The following ZFAND3 variants were observed in gnomAD, a reference collection of about 807,000 sequenced individuals.
ZFAND3 encodes AN1-type zinc finger protein 3.
In ZFAND3, 10 loss-of-function variants were observed where a neutral mutation model predicts 29.6. The observed-to-expected ratio is 0.34, with a 90% CI of 0.21 to 0.57. The LOEUF is 0.57. ZFAND3 is among the 20% of genes least tolerant of loss of function. ZFAND3 has a pLI of 0.86. For synonymous variants in ZFAND3, 128 were observed against 112.6 expected, an observed-to-expected ratio of 1.14 and a Z score of -0.87; for missense variants, 230 against 304.5, an observed-to-expected ratio of 0.76 and a Z score of 1.82.
Position 37,889,096 on chromosome 6 carries a change from G to C in ZFAND3, c.72-40863G>C, listed in dbSNP as rs537843378. Among the ~76,000 whole-genome samples the C allele has an allele frequency of 9.9e-5, 15 of 152,244 alleles. No individual in the cohort carries two copies. The South Asian group carries it at 3.1e-3, about 32-fold the overall frequency. On this transcript the variant is annotated intron_variant, in intron 1 of 5. Coordinates refer to ENST00000287218, the MANE Select transcript of ZFAND3 (RefSeq NM_021943.3). ...ATTTGGTGGTTCCAGGTTGGGTTCA[G>C]CAGCTCTGCAATTTGCTTGTCTTTC...
rs1763624630 is a variant in ZFAND3, at chr6:37,819,850, G to A, written c.-96G>A. The A allele has an allele frequency of 2.6e-6, 2 of 778,898 alleles. No individual in the cohort carries two copies. The highest frequency in any genetic ancestry group is 1.1e-4 in the East Asian group (2 of 18,370). The allele number at this position is 778,898 out of a possible 1,614,324, so 48.2% of individuals were successfully genotyped here. The stretch of plus-strand genomic sequence containing the variant: ...CTCCTTCCCCCTCCCCCCGCCCCGA[G>A]CCCCCCGACGCCGCCGCCACCGCCT... On this transcript the variant is annotated 5_prime_UTR_variant, in exon 1 of 6. Coordinates refer to ENST00000287218, the MANE Select transcript of ZFAND3 (RefSeq NM_021943.3).
intron 5 of ZFAND3, among the ~76,000 whole-genome samples, chr6:38,137,769 A>T (rs1489437337): frequency 6.6e-6 from 1 of 152,160 alleles, no homozygotes; most frequent in Non-Finnish European, 1.5e-5. Context: ...CCAGCCATTC[A>T]GAGAGTTGGG....
chr6:37,951,102 C>T (rs1401279052), intron 2 of ZFAND3, among the ~76,000 whole-genome samples: 4 of 151,986 alleles, frequency 2.6e-5, no homozygotes, highest in African/African-American at 9.7e-5. Flanking sequence ...TAGCTGTATT[C>T]CTAGGTGTTT....
At chr6:38,144,200 T>TAAC (rs143218188) in intron 5 of ZFAND3, among the ~76,000 whole-genome samples, 1 of 41,234 alleles carries the variant, frequency 2.4e-5, no homozygotes, top group African/African-American at 1.5e-4. Context: ...TATATATATA[T>TAAC]ATATATATAT....
chr6:37,930,144 A>C, intron 2 of ZFAND3, 145 bp downstream of exon 2: 1 of 793,658 alleles, frequency 1.3e-6, no homozygotes. Flanking sequence ...AAGCAGTTTC[A>C]CCTTACCAAG....
chr6:38,046,887 A>G (rs1315973143), intron 2 of ZFAND3, among the ~76,000 whole-genome samples: 1 of 152,154 alleles, frequency 6.6e-6, no homozygotes, highest in Non-Finnish European at 1.5e-5. Flanking sequence ...TATTAACGCT[A>G]TTACAGAATT....
intron 1 of ZFAND3, among the ~76,000 whole-genome samples, chr6:37,839,335 C>T (rs1016217030): frequency 6.8e-6 from 1 of 147,120 alleles, no homozygotes; most frequent in Admixed American, 6.8e-5. Context: ...CGCGTGCCAC[C>T]ATGCCTAGCT....
chr6:38,082,538 T>G lies in ZFAND3; in HGVS notation c.361+81T>G. 3.8e-6 allele frequency: 5 copies of G among 1,325,308 alleles called. No individual in the cohort carries two copies. In the South Asian group the frequency reaches 5.1e-5, roughly 13 times the overall value. 82.1% of individuals were successfully genotyped at this position (1,325,308 alleles called of 1,614,324 possible). A position where few individuals can be genotyped will look rare whatever the true frequency, so the allele number is the denominator to read the frequency against. Reference sequence around the variant, plus strand: ...AGCAACTGGTTCTAACTTGGTGTGCTTCTCAGGGTACTCTGATTTCTTCCG... The same window carrying G: ...AGCAACTGGTTCTAACTTGGTGTGCGTCTCAGGGTACTCTGATTTCTTCCG... On this transcript the variant is annotated intron_variant, in intron 4 of 5. Transcript: ENST00000287218.
chr6:37,949,677 C>T (rs1007319754), intron 2 of ZFAND3, among the ~76,000 whole-genome samples: 4 of 152,022 alleles, frequency 2.6e-5, no homozygotes, highest in African/African-American at 9.7e-5. Flanking sequence ...CAGAGAAACA[C>T]GTTTACTAAG....
chr6:38,089,197 A>G (rs1025293564), intron 4 of ZFAND3, among the ~76,000 whole-genome samples: 3 of 151,942 alleles, frequency 2.0e-5, no homozygotes, highest in African/African-American at 7.3e-5. Context: ...ATCTTGGCAC[A>G]CTGCAACCTC....
intron 1 of ZFAND3, among the ~76,000 whole-genome samples, chr6:37,876,696 G>C (rs7769848): frequency 0.03 from 4,529 of 152,242 alleles, 177 homozygotes; most frequent in African/African-American, 0.086. Context: ...GTCTTAGTCT[G>C]TTTGAAAGGC....
chr6:38,036,394 A>C (rs1489437623), intron 2 of ZFAND3, among the ~76,000 whole-genome samples: 1 of 152,206 alleles, frequency 6.6e-6, no homozygotes, highest in Admixed American at 6.5e-5. Flanking sequence ...CAGGGATAGG[A>C]TAGGAGAGGA....
intron 1 of ZFAND3, among the ~76,000 whole-genome samples, chr6:37,881,476 T>C (rs1204608873): frequency 6.6e-6 from 1 of 152,168 alleles, no homozygotes; most frequent in Non-Finnish European, 1.5e-5. Context: ...GATGGTCTGT[T>C]CTGTCTTTCT....
Position 38,061,615 on chromosome 6 carries a change from C to A in ZFAND3, c.135C>A (p.Asp45Glu), listed in dbSNP as rs779516347. The change falls in exon 3 of 6, where the codon GAC becomes GAA. Residue 45 changes from aspartate (D) to glutamate (E), a missense_variant. Asp to Glu is a conservative substitution (Grantham distance 45). This residue lies in a region of ZFAND3 where 180 missense variants were observed against 202.5 expected (regional missense o/e 0.89). Transcript: ENST00000287218. ...CAGATTTTCAAAAGAAACAGCCAGA[C>A]GATGATTCCGCTCCAAGTACAAGTA... Reference protein sequence around the residue: ...CFADFQKKQPDDDSAPSTSNS... With the variant: ...CFADFQKKQPEDDSAPSTSNS... The A allele has an allele frequency of 6.2e-7, 1 of 1,614,138 alleles. No homozygotes were observed. Among genetic ancestry groups the A allele is most frequent in the Non-Finnish European group, 8.5e-7 (1 of 1,180,020 alleles).
chr6:38,109,311 T>G (rs1248204219), intron 4 of ZFAND3, among the ~76,000 whole-genome samples: 1 of 151,824 alleles, frequency 6.6e-6, no homozygotes, highest in Non-Finnish European at 1.5e-5. Context: ...ACCTCCTGAG[T>G]AGCCAGAACT....
chr6:37,820,124 C>T, intron 1 of ZFAND3, 108 bp downstream of exon 1: 1 of 898,138 alleles, frequency 1.1e-6, no homozygotes, highest in Non-Finnish European at 1.4e-6. Context: ...GGAGGCTGGG[C>T]CCAGCCCGGG....
At chr6:38,003,674 T>TC (rs1491124651) in intron 2 of ZFAND3, 15 of 165,436 alleles carry the variant, frequency 9.1e-5, no homozygotes, top group Non-Finnish European at 1.3e-5. Flanking sequence ...AATTTTTGTG[T>TC]TTTTTTTTTT....
At chr6:38,050,056 G>A (rs552915974) in intron 2 of ZFAND3, among the ~76,000 whole-genome samples, 20 of 142,576 alleles carry the variant, frequency 1.4e-4, no homozygotes, top group Non-Finnish European at 2.7e-4. Context: ...CCAGGTTCAA[G>A]CAATTATCAT....
intron 2 of ZFAND3, among the ~76,000 whole-genome samples, chr6:37,932,593 G>A (rs1761620395): frequency 6.6e-6 from 1 of 152,184 alleles, no homozygotes; most frequent in African/African-American, 2.4e-5. Flanking sequence ...ATGGCTTTGG[G>A]AGAAGGCCAG....
Sources: allele counts gnomAD v4.1 joint callset (sites outside exome capture counted in the v4.1 genomes callset), GRCh38; gene constraint gnomAD v4.1.1; regional missense constraint gnomAD v4.1.1; transcripts MANE v1.5; gene names NCBI Gene and HGNC (gene_info 2026-07-23, HGNC 2026-07-21).